MACROD2: variants seen among roughly 807,000 people sequenced by gnomAD.
MACROD2 encodes the protein ADP-ribose glycohydrolase MACROD2.
Under a neutral mutation model 70.4 loss-of-function variants are expected in MACROD2, and 36 were observed. That is an observed-to-expected ratio of 0.51 (90% confidence interval 0.39 to 0.68). The LOEUF (loss-of-function observed/expected upper bound fraction) is 0.68. Among genes scored for constraint, MACROD2 ranks in the 30% least tolerant of loss-of-function variants. The pLI, the probability that MACROD2 is intolerant of heterozygous loss-of-function variation, is 0.00. For synonymous variants in MACROD2, 172 were observed against 178.8 expected (o/e 0.96, Z 0.30); for missense variants, 496 against 538.4 (o/e 0.92, Z 0.78).
intron 4 of MACROD2, among the ~76,000 whole-genome samples, chr20:14,633,945 A>G (rs1283645353): frequency 6.6e-6 from 1 of 152,148 alleles, no homozygotes; most frequent in Admixed American, 6.5e-5. Flanking sequence ...GCATAGACAT[A>G]TTGTTTGGCT....
chr20:15,264,915 A>G (rs1007431930), intron 6 of MACROD2, among the ~76,000 whole-genome samples: 7 of 152,176 alleles, frequency 4.6e-5, no homozygotes, highest in African/African-American at 1.7e-4. Context: ...GGGAGGGGTC[A>G]GAGAGACCTT....
chr20:15,770,889 T>G (rs926586972), intron 8 of MACROD2, among the ~76,000 whole-genome samples: 1 of 152,094 alleles, frequency 6.6e-6, no homozygotes, highest in African/African-American at 2.4e-5. Context: ...CACTTAAACC[T>G]TCTTCTCGTG....
At chr20:14,439,504 T>G (rs988309379) in intron 3 of MACROD2, among the ~76,000 whole-genome samples, 2 of 151,892 alleles carry the variant, frequency 1.3e-5, no homozygotes, top group Admixed American at 6.6e-5. Flanking sequence ...TTTAGGGATT[T>G]TGTGTGTGTG....
intron 8 of MACROD2, among the ~76,000 whole-genome samples, chr20:15,689,102 G>A (rs537002136): frequency 6.6e-6 from 1 of 152,172 alleles, no homozygotes; most frequent in Admixed American, 6.5e-5. Flanking sequence ...TCAGGAGTTC[G>A]AGACCAGCCT....
chr20:16,048,444 GAGA>G (rs1359362126), intron 17 of MACROD2, among the ~76,000 whole-genome samples: 3 of 151,990 alleles, frequency 2.0e-5, no homozygotes, highest in African/African-American at 4.8e-5. Flanking sequence ...AGACATGAAG[GAGA>G]AGAAGAGAAT....
chr20:15,537,465 ATCTT>A (rs869175178), intron 8 of MACROD2, among the ~76,000 whole-genome samples: 1 of 114,398 alleles, frequency 8.7e-6, no homozygotes, highest in Non-Finnish European at 1.8e-5. Context: ...AATCCCACTC[ATCTT>A]TTTTTTTTTT....
intron 6 of MACROD2, among the ~76,000 whole-genome samples, chr20:15,368,231 G>A (rs1482750291): frequency 6.7e-6 from 1 of 148,878 alleles, no homozygotes; most frequent in African/African-American, 2.5e-5. Context: ...GCCCACCCCC[G>A]CCTACTGAGT....
chr20:14,209,745 G>T (rs1470106222), intron 3 of MACROD2, among the ~76,000 whole-genome samples: 2 of 152,100 alleles, frequency 1.3e-5, no homozygotes, highest in Non-Finnish European at 2.9e-5. Context: ...AGCATGGGGG[G>T]TTTTGTCTAG....
Position 14,082,181 on chromosome 20 carries a change from T to TC in MACROD2, c.164-3440_164-3439insC, listed in dbSNP as rs1214079485. ...CCCATACCTTTCTTTTTTTTTCTTT[T>TC]TTTTTTTTTTTTTTTGAGATGTAGT... is the stretch of plus-strand genomic sequence containing the variant. On this transcript the variant is annotated intron_variant, in intron 2 of 17. Coordinates refer to ENST00000684519, the MANE Select transcript of MACROD2 (RefSeq NM_001351661.2). Among the ~76,000 whole-genome samples, 266 of 126,608 alleles carry TC rather than the reference T, an allele frequency of 2.1e-3. 2 individuals are homozygous for TC. Among genetic ancestry groups the TC allele is most frequent in the African/African-American group, 6.7e-3 (217 of 32,490 alleles). 83.1% of individuals were successfully genotyped at this position (126,608 alleles called of 152,430 possible). A position where few individuals can be genotyped will look rare whatever the true frequency, so the allele number is the denominator to read the frequency against.
chr20:15,478,498 C>A (rs1373387302), intron 7 of MACROD2, among the ~76,000 whole-genome samples: 1 of 152,088 alleles, frequency 6.6e-6, no homozygotes, highest in East Asian at 1.9e-4. Context: ...GAATTACCTG[C>A]CACCATGTGT....
At chr20:15,007,440 C>T (rs1300605981) in intron 5 of MACROD2, among the ~76,000 whole-genome samples, 1 of 151,668 alleles carries the variant, frequency 6.6e-6, no homozygotes, top group Non-Finnish European at 1.5e-5. Context: ...ACATTATATA[C>T]TCTCTTGTTC....
At chr20:15,632,173 A>C (rs1056919832) in intron 8 of MACROD2, among the ~76,000 whole-genome samples, 1 of 151,628 alleles carries the variant, frequency 6.6e-6, no homozygotes, top group African/African-American at 2.4e-5. Context: ...CTCAAAAAAA[A>C]AATAAATAAA....
At chr20:15,449,140 C>G (rs1282783866) in intron 7 of MACROD2, among the ~76,000 whole-genome samples, 1 of 152,066 alleles carries the variant, frequency 6.6e-6, no homozygotes, top group Non-Finnish European at 1.5e-5. Flanking sequence ...CATCCCTGTC[C>G]CCTCACCGTC....
intron 5 of MACROD2, among the ~76,000 whole-genome samples, chr20:15,115,404 T>C (rs2075984918): frequency 6.6e-6 from 1 of 151,992 alleles, no homozygotes. Flanking sequence ...TAATTTTTTT[T>C]GTAGAGATGG....
chr20:15,127,058 C>G (rs1407195859), intron 5 of MACROD2, among the ~76,000 whole-genome samples: 1 of 152,050 alleles, frequency 6.6e-6, no homozygotes, highest in Non-Finnish European at 1.5e-5. Context: ...CAGAACACTT[C>G]CACTGCCACA....
chr20:14,046,040 G>A (rs1046436063), intron 2 of MACROD2, among the ~76,000 whole-genome samples: 6 of 152,078 alleles, frequency 3.9e-5, no homozygotes, highest in Non-Finnish European at 7.4e-5. Context: ...TTTCAGAAAA[G>A]GATAATGAAA....
chr20:15,160,882 C>T (rs1341824036), intron 5 of MACROD2, among the ~76,000 whole-genome samples: 1 of 152,026 alleles, frequency 6.6e-6, no homozygotes, highest in African/African-American at 2.4e-5. Flanking sequence ...ATTCCATGTG[C>T]CCAGAACCTA....
At chr20:15,235,458 G>C (rs971230085) in intron 6 of MACROD2, among the ~76,000 whole-genome samples, 20 of 152,188 alleles carry the variant, frequency 1.3e-4, no homozygotes, top group African/African-American at 4.8e-4. Flanking sequence ...CCTTCCTTGA[G>C]TCATAGATCT....
At chr20:14,406,123 T>C (rs1163691432) in intron 3 of MACROD2, among the ~76,000 whole-genome samples, 1 of 152,126 alleles carries the variant, frequency 6.6e-6, no homozygotes, top group African/African-American at 2.4e-5. Context: ...CATGAGGACC[T>C]GTTTGACAAA....
Sources: gnomAD v4.1 joint callset for allele counts (sites outside exome capture counted in the v4.1 genomes callset) on GRCh38, gnomAD v4.1.1 for gene constraint, MANE v1.5 for transcripts, NCBI Gene and HGNC (gene_info 2026-07-23, HGNC 2026-07-21) for gene names.